The following DZANK1 variants were observed in gnomAD, a reference collection of about 807,000 sequenced individuals.
The protein encoded by DZANK1 is double zinc ribbon and ankyrin repeat-containing protein 1.
In DZANK1, 91 loss-of-function variants were observed where a neutral mutation model predicts 94.5. The ratio of observed to expected loss-of-function variants is 0.96; its 90% CI spans 0.81 to 1.15. The LOEUF (loss-of-function observed/expected upper bound fraction) is 1.15, where lower values mean the gene tolerates loss of function less well. Among genes scored for constraint, DZANK1 ranks in the 50% most tolerant of loss-of-function variants. The probability of loss-of-function intolerance (pLI) is 0.00; values close to 1 mark genes in which losing one functional copy is unlikely to be tolerated. For synonymous variants in DZANK1, 312 were observed against 325.3 expected, an observed-to-expected ratio of 0.96 and a Z score of 0.44; for missense variants, 903 against 916.4, an observed-to-expected ratio of 0.99 and a Z score of 0.19.
rs184686345 is a variant in DZANK1 at position 18,397,732 on chromosome 20, G to A, written c.1536+791C>T. On this transcript the variant is annotated intron_variant, in intron 14 of 20. Transcript: ENST00000262547. Reference sequence around the variant, plus strand: ...TAGAGGTGGTTGGATGTCTGGGGGCGGGAATCATCTAGAGTCTAGTCACTC... The same window carrying A: ...TAGAGGTGGTTGGATGTCTGGGGGCAGGAATCATCTAGAGTCTAGTCACTC... Among the ~76,000 whole-genome samples, 25 of 152,272 alleles carry A rather than the reference G, an allele frequency of 1.6e-4. No individual in the cohort carries two copies. In the East Asian group the frequency reaches 3.7e-3, roughly 22 times the overall value.
chr20:18,441,423 T>G lies in DZANK1; in HGVS notation c.747+1924A>C, dbSNP rs1398479502. Among the ~76,000 whole-genome samples, 1 of 152,206 alleles carries G rather than the reference T, an allele frequency of 6.6e-6. No homozygotes were observed. Among genetic ancestry groups the G allele is most frequent in the African/African-American group, 2.4e-5 (1 of 41,454 alleles). The stretch of plus-strand genomic sequence containing the variant: ...TCAGGACATAGAAACCACAACTAAT[T>G]TGAACAGGAAAAGTTCATATAAATA... On this transcript the variant is annotated intron_variant, in intron 8 of 20. Transcript: ENST00000262547. The surrounding 1 kb of genome is among the most constrained non-coding windows in gnomAD (Gnocchi z 4.1).
exon 16 of DZANK1, chr20:18,394,300 A>G (rs2056201501): frequency 1.9e-6 from 3 of 1,613,778 alleles, no homozygotes; most frequent in Non-Finnish European, 2.5e-6. Context: ...CCTCGGCAGC[A>G]CTGCTCAGAA....
At chr20:18,413,020 T>C (rs1179855649) in intron 12 of DZANK1, 167 bp from the exon 13 acceptor site, 4 of 668,152 alleles carry the variant, frequency 6.0e-6, no homozygotes, top group Non-Finnish European at 1.0e-5. Flanking sequence ...GCTCCTGTCT[T>C]TCTCAGCAAC....
chr20:18,455,229 T>G lies in DZANK1; in HGVS notation c.378+18A>C, dbSNP rs1391351699. ...AAATACAGTGACAATCTGAATGGAT[T>G]ATAGTTTCATTACTTGCCTGCCTTG... On this transcript the variant is annotated intron_variant, in intron 4 of 20. Transcript: ENST00000262547. The G allele has an allele frequency of 6.4e-7, 1 of 1,564,244 alleles. No individual in the cohort carries two copies.
chr20:18,401,562 G>A (rs1345705657), intron 13 of DZANK1, among the ~76,000 whole-genome samples: 1 of 152,174 alleles, frequency 6.6e-6, no homozygotes, highest in Non-Finnish European at 1.5e-5. Flanking sequence ...TCTCAAATAG[G>A]GCTATGGGAT....
At chr20:18,394,899 C>T (rs757810518) in intron 15 of DZANK1, 19 of 456,482 alleles carry the variant, frequency 4.2e-5, no homozygotes, top group South Asian at 1.1e-4. Flanking sequence ...AATGGCATGT[C>T]GTGAAAGCAA....
At chr20:18,396,117 C>T (rs900780057) in intron 15 of DZANK1, among the ~76,000 whole-genome samples, 4 of 152,208 alleles carry the variant, frequency 2.6e-5, no homozygotes, top group African/African-American at 9.7e-5. Flanking sequence ...AGATCAAGGA[C>T]ACATGGCCAC....
intron 7 of DZANK1, among the ~76,000 whole-genome samples, chr20:18,447,214 G>C (rs190826452): frequency 6.6e-6 from 1 of 152,128 alleles, no homozygotes; most frequent in African/African-American, 2.4e-5. Context: ...GGTGGCTCAC[G>C]CCTATAATCC....
intron 10 of DZANK1, among the ~76,000 whole-genome samples, chr20:18,425,172 T>A (rs1350422721): frequency 2.0e-5 from 3 of 152,188 alleles, no homozygotes; most frequent in African/African-American, 7.2e-5. Flanking sequence ...TTTTACTGCA[T>A]ATAAATCATA....
intron 8 of DZANK1, among the ~76,000 whole-genome samples, chr20:18,440,499 T>C (rs1338581264): frequency 1.3e-5 from 2 of 152,146 alleles, no homozygotes; most frequent in African/African-American, 4.8e-5. Context: ...ATTAGTAAAA[T>C]CTTCCTCTTC....
rs749449313 is a variant in DZANK1, at chr20:18,394,306, C to T, written c.1656G>A (p.Leu552=). ...CCCCATCACCCTCGGCAGCACTGCT[C>T]AGAAGGTGATCGCTGAAATTCACTG... The change falls in exon 16 of 21, where the codon CTG becomes CTA. Residue 552 remains leucine (L), a synonymous_variant. Coordinates refer to ENST00000262547, the Ensembl canonical transcript of DZANK1. 1.9e-6 allele frequency: 3 copies of T among 1,613,758 alleles called. No individual in the cohort carries two copies. In the African/African-American group the frequency reaches 4.0e-5, roughly 22 times the overall value.
intron 2 of DZANK1, 21 bp downstream of exon 2, chr20:18,465,229 T>G (rs763436059): frequency 2.1e-6 from 3 of 1,447,502 alleles, no homozygotes; most frequent in Non-Finnish European, 2.8e-6. Flanking sequence ...TTAAACAATT[T>G]CAAACATATG....
intron 10 of DZANK1, among the ~76,000 whole-genome samples, chr20:18,426,583 G>A (rs754451720): frequency 1.3e-5 from 2 of 152,150 alleles, no homozygotes; most frequent in Non-Finnish European, 2.9e-5. Context: ...GATCATCACC[G>A]TATTTAAAGT....
In DZANK1 at chr20:18,392,335, T is replaced by C. The variant is rs560697985; in HGVS notation, c.1809+1376A>G. Among the ~76,000 whole-genome samples, 13 of 152,324 alleles carry C rather than the reference T, an allele frequency of 8.5e-5. No homozygotes were observed. In the East Asian group the frequency reaches 2.5e-3, roughly 29 times the overall value. The stretch of plus-strand genomic sequence containing the variant: ...AACATATTCTTTCCAAATGTACTGG[T>C]GTTTGTTACATACAAAGCATGTGGT... On this transcript the variant is annotated intron_variant, in intron 17 of 20. Coordinates refer to ENST00000262547, the Ensembl canonical transcript of DZANK1.
rs370628877 is a variant in DZANK1 at position 18,417,515 on chromosome 20, A to T, written c.955-2066T>A. Among the ~76,000 whole-genome samples the T allele has an allele frequency of 5.3e-5, 8 of 151,314 alleles. No individual in the cohort carries two copies. The East Asian group carries it at 9.7e-4, about 18-fold the overall frequency. On this transcript the variant is annotated intron_variant, in intron 10 of 20. Coordinates refer to ENST00000262547, the Ensembl canonical transcript of DZANK1. ...GGAAAAAATTATAGAGTGTCATTTTATGATGAGAGAGTGATATCAAGTCTA... is the reference window on the plus strand; with the variant it reads ...GGAAAAAATTATAGAGTGTCATTTTTTGATGAGAGAGTGATATCAAGTCTA...
intron 15 of DZANK1, 55 bp downstream of exon 15, chr20:18,396,417 C>T (rs1425510833): frequency 1.5e-6 from 2 of 1,374,534 alleles, no homozygotes; most frequent in African/African-American, 2.9e-5. Context: ...TATAAATTGT[C>T]TCAATTTACT....
At chr20:18,454,830 A>T (rs889631333) in intron 4 of DZANK1, among the ~76,000 whole-genome samples, 1 of 152,246 alleles carries the variant, frequency 6.6e-6, no homozygotes, top group Admixed American at 6.5e-5. Context: ...AAAGCAGTTT[A>T]TAAAAGAAGG....
chr20:18,394,420 C>T, intron 15 of DZANK1, 70 bp from the exon 16 acceptor site: 2 of 1,410,878 alleles, frequency 1.4e-6, no homozygotes, highest in South Asian at 2.4e-5. Flanking sequence ...GAAGGATCTC[C>T]CTTCTAACCT....
At chr20:18,445,326 A>C (rs949815962) in intron 7 of DZANK1, among the ~76,000 whole-genome samples, 1 of 152,264 alleles carries the variant, frequency 6.6e-6, no homozygotes, top group Non-Finnish European at 1.5e-5. Flanking sequence ...GCAGAGTATC[A>C]AAGTACATGA....
Sources: gnomAD v4.1 joint callset for allele counts (sites outside exome capture counted in the v4.1 genomes callset) on GRCh38, gnomAD v4.1.1 for gene constraint, Gnocchi (gnomAD v3.1) non-coding constraint, MANE v1.5 for transcripts, NCBI Gene and HGNC (gene_info 2026-07-23, HGNC 2026-07-21) for gene names.